FHIT: variants seen among roughly 807,000 people sequenced by gnomAD.
FHIT encodes the protein fragile histidine triad diadenosine triphosphatase.
A neutral mutation model predicts 17.9 loss-of-function variants in FHIT; 19 were observed. The ratio of observed to expected loss-of-function variants is 1.06; its 90% confidence interval spans 0.74 to 1.56. FHIT has a LOEUF of 1.56. Among genes scored for constraint, FHIT ranks in the 40% most tolerant of loss-of-function variants. The pLI is 0.00. For missense variants in FHIT, 248 were observed against 189.2 expected (o/e 1.31, Z -1.82); for synonymous variants, 81 against 69.7 (o/e 1.16, Z -0.81).
In FHIT at chr3:59,749,533, C is replaced by T. The variant is rs1260317982; in HGVS notation, c.*52G>A. 4.3e-6 allele frequency: 1 copy of T among 231,048 alleles called. No homozygotes were observed. The highest frequency in any genetic ancestry group is 8.6e-6 in the Non-Finnish European group (1 of 116,872). 14.3% of individuals were successfully genotyped at this position (231,048 alleles called of 1,614,324 possible). A position where few individuals can be genotyped will look rare whatever the true frequency, so the allele number is the denominator to read the frequency against. On this transcript the variant is annotated 3_prime_UTR_variant, in exon 10 of 10. Transcript: ENST00000492590. The stretch of plus-strand genomic sequence containing the variant: ...GGAGAGGCGGGGGGCGGTCTTCAAA[C>T]TGGTTGGCAATAGCTCTTTTGCTGG...
At chr3:60,041,749 C>T (rs1194822136) in intron 5 of FHIT, among the ~76,000 whole-genome samples, 2 of 152,200 alleles carry the variant, frequency 1.3e-5, no homozygotes, top group African/African-American at 2.4e-5. Flanking sequence ...TCTGTCATAC[C>T]TTCATACATG....
chr3:60,399,554 C>G (rs113804442), intron 5 of FHIT, among the ~76,000 whole-genome samples: 2 of 152,186 alleles, frequency 1.3e-5, no homozygotes, highest in East Asian at 3.9e-4. Flanking sequence ...ATTTCGTGGT[C>G]GGTAGGCAGT....
rs116540766 is a variant in FHIT, at chr3:60,261,579, G to A, written c.104-247427C>T. 7.7e-3 allele frequency among the ~76,000 whole-genome samples: 1,169 copies of A among 152,140 alleles called. 10 individuals are homozygous for A. Among genetic ancestry groups the A allele is most frequent in the African/African-American group, 0.026 (1,099 of 41,522 alleles). On this transcript the variant is annotated intron_variant, in intron 5 of 9. Coordinates refer to ENST00000492590, the MANE Select transcript of FHIT (RefSeq NM_002012.4). Reference sequence around the variant, plus strand: ...CATACTAAAAAGAAACCAGCCTGATGTCAGATCCTCTTCAACATAGAAACT... The same window carrying A: ...CATACTAAAAAGAAACCAGCCTGATATCAGATCCTCTTCAACATAGAAACT...
chr3:60,721,048 A>C (rs1553707934), intron 4 of FHIT, among the ~76,000 whole-genome samples: 2 of 152,302 alleles, frequency 1.3e-5, no homozygotes, highest in African/African-American at 2.4e-5. Context: ...AAAATTCATC[A>C]GGATTCCATT....
intron 7 of FHIT, among the ~76,000 whole-genome samples, chr3:59,993,676 C>G (rs7622382): frequency 6.6e-6 from 1 of 151,912 alleles, no homozygotes; most frequent in African/African-American, 2.4e-5. Flanking sequence ...GAGGCCGGCG[C>G]CACCAAAACC....
At chr3:61,016,374 C>G (rs1359882969) in intron 3 of FHIT, among the ~76,000 whole-genome samples, 1 of 152,074 alleles carries the variant, frequency 6.6e-6, no homozygotes, top group Admixed American at 6.5e-5. Flanking sequence ...GTTGTCAAAA[C>G]AGTAAAATAA....
intron 5 of FHIT, among the ~76,000 whole-genome samples, chr3:60,274,016 T>C (rs1576403561): frequency 6.6e-6 from 1 of 152,202 alleles, no homozygotes; most frequent in Admixed American, 6.5e-5. Flanking sequence ...AAATTACATT[T>C]TGGCAGTAAT....
chr3:60,299,862 A>G (rs912963904), intron 5 of FHIT, among the ~76,000 whole-genome samples: 1 of 152,048 alleles, frequency 6.6e-6, no homozygotes, highest in Non-Finnish European at 1.5e-5. Context: ...ACGTTTTTCA[A>G]TGTGTGTATG....
intron 1 of FHIT, among the ~76,000 whole-genome samples, chr3:61,247,059 T>C (rs2040504608): frequency 6.8e-6 from 1 of 146,968 alleles, no homozygotes; most frequent in South Asian, 2.4e-4. Context: ...GCCGAGAATA[T>C]ACCCTCACTC....
At chr3:60,560,533 T>A (rs1204666640) in intron 4 of FHIT, among the ~76,000 whole-genome samples, 1 of 152,042 alleles carries the variant, frequency 6.6e-6, no homozygotes, top group Non-Finnish European at 1.5e-5. Context: ...CCAAAATGGA[T>A]CTTCCTGTTC....
intron 3 of FHIT, among the ~76,000 whole-genome samples, chr3:60,847,319 T>C (rs1478782159): frequency 3.9e-5 from 6 of 152,146 alleles, no homozygotes; most frequent in Non-Finnish European, 8.8e-5. Context: ...AGGGTACCTC[T>C]GAACAGCTGT....
chr3:61,075,420 A>G (rs1468788697), intron 2 of FHIT, among the ~76,000 whole-genome samples: 4 of 152,206 alleles, frequency 2.6e-5, no homozygotes, highest in Admixed American at 2.6e-4. Context: ...ATTCACTCAG[A>G]AACAGCTTTT....
At chr3:60,091,040 C>T (rs1181995693) in intron 5 of FHIT, among the ~76,000 whole-genome samples, 1 of 152,210 alleles carries the variant, frequency 6.6e-6, no homozygotes, top group Non-Finnish European at 1.5e-5. Flanking sequence ...CTCTTGACCT[C>T]AGCTCACTGA....
chr3:60,471,012 T>G (rs473944), intron 5 of FHIT, among the ~76,000 whole-genome samples: 1 of 152,038 alleles, frequency 6.6e-6, no homozygotes, highest in South Asian at 2.1e-4. Context: ...AAACGCTGTC[T>G]GGAAGCCAAG....
At chr3:61,116,986 T>C (rs535485501) in intron 2 of FHIT, among the ~76,000 whole-genome samples, 1 of 152,284 alleles carries the variant, frequency 6.6e-6, no homozygotes, top group East Asian at 1.9e-4. Context: ...TGAATCATAA[T>C]ATCAACCCAG....
chr3:59,790,579 T>G (rs971511976), intron 8 of FHIT, among the ~76,000 whole-genome samples: 1 of 152,082 alleles, frequency 6.6e-6, no homozygotes, highest in African/African-American at 2.4e-5. Context: ...ATTATTGATA[T>G]TGATTGATTG....
chr3:60,624,140 A>G (rs1490483382), intron 4 of FHIT, among the ~76,000 whole-genome samples: 1 of 152,230 alleles, frequency 6.6e-6, no homozygotes, highest in East Asian at 1.9e-4. Context: ...CCCAGAGAGA[A>G]GAAATGGTAG....
At chr3:60,502,945 C>A (rs1389329838) in intron 5 of FHIT, among the ~76,000 whole-genome samples, 1 of 152,158 alleles carries the variant, frequency 6.6e-6, no homozygotes, top group Non-Finnish European at 1.5e-5. Context: ...GACTGTGACA[C>A]ATTAGTAATA....
intron 8 of FHIT, among the ~76,000 whole-genome samples, chr3:59,784,557 TA>T (rs1702750892): frequency 2.6e-5 from 4 of 152,236 alleles, no homozygotes; most frequent in Non-Finnish European, 5.9e-5. Flanking sequence ...TGTGGGACAC[TA>T]ACCACCACTG....
Sources: gnomAD v4.1 joint callset for allele counts (sites outside exome capture counted in the v4.1 genomes callset) on GRCh38, gnomAD v4.1.1 for gene constraint, MANE v1.5 for transcripts, NCBI Gene and HGNC (gene_info 2026-07-23, HGNC 2026-07-21) for gene names.